PLB1: variants seen among roughly 807,000 people sequenced by gnomAD.
The protein encoded by PLB1 is phospholipase B1, membrane-associated.
Under a neutral mutation model 227.4 loss-of-function variants are expected in PLB1, and 242 were observed. The ratio of observed to expected loss-of-function variants is 1.06; its 90% CI spans 0.96 to 1.18. The LOEUF (loss-of-function observed/expected upper bound fraction) is 1.18. Ranked by LOEUF, PLB1 falls within the 50% of genes most tolerant of loss-of-function variation. The pLI, the probability that PLB1 is intolerant of heterozygous loss-of-function variation, is 0.00. For synonymous variants in PLB1, 757 were observed against 682.2 expected (o/e 1.11, Z -1.71); for missense variants, 1,858 against 1,816.3 (o/e 1.02, Z -0.42).
At chr2:28,581,342 T>G (rs937683518) in intron 23 of PLB1, among the ~76,000 whole-genome samples, 2 of 151,694 alleles carry the variant, frequency 1.3e-5, no homozygotes, top group African/African-American at 4.8e-5. Flanking sequence ...GAAAAAGAGA[T>G]CGGGCCATAG....
Position 28,573,245 on chromosome 2 carries a change from C to T in PLB1, c.1373C>T (p.Thr458Ile). 1 of 1,614,152 alleles carries T rather than the reference C, an allele frequency of 6.2e-7. No homozygotes were observed. Residue 458 changes from threonine to isoleucine, a missense_variant, in exon 21 of 58, where the codon ACT becomes ATT. Thr to Ile is a moderately conservative substitution (Grantham distance 89). Transcript: ENST00000327757. ...TCCCTGAAGGGCTTCTCTGTTGGCA[C>T]TGGGAAAGAAACCAGTCCTAATGCC... The part of the protein sequence containing the change: ...NPSLKGFSVG[T>I]GKETSPNAFL...
chr2:28,611,570 C>G (rs1458545462), intron 43 of PLB1, among the ~76,000 whole-genome samples: 3 of 152,198 alleles, frequency 2.0e-5, no homozygotes, highest in Non-Finnish European at 4.4e-5. Flanking sequence ...GTCTCCCCAC[C>G]TGAGCCAATT....
At chr2:28,543,291 G>T in intron 14 of PLB1, 23 bp downstream of exon 14, 1 of 1,606,414 alleles carries the variant, frequency 6.2e-7, no homozygotes, top group African/African-American at 1.3e-5. Flanking sequence ...GGCCTGGGGT[G>T]GGGCCCACAG....
Position 28,553,028 on chromosome 2 carries a change from C to T in PLB1, c.1147+37C>T, listed in dbSNP as rs775001099. ...GCACCCAGTGATTTTAAAATTCATTCGAGGCCTGAAATCATCCAAGTAAGG... is the reference window on the plus strand; with the variant it reads ...GCACCCAGTGATTTTAAAATTCATTTGAGGCCTGAAATCATCCAAGTAAGG... On this transcript the variant is annotated intron_variant, in intron 17 of 57. Transcript: ENST00000327757. The T allele has an allele frequency of 8.9e-6, 14 of 1,576,350 alleles. No homozygotes were observed. In the East Asian group the frequency reaches 1.1e-4, roughly 13 times the overall value.
intron 9 of PLB1, among the ~76,000 whole-genome samples, chr2:28,534,622 G>A (rs1316823285): frequency 3.9e-5 from 6 of 152,162 alleles, no homozygotes; most frequent in Admixed American, 6.5e-5. Context: ...TTAGGAGGCC[G>A]AGGCAGGTGG....
At chr2:28,521,839 T>G (rs1251999360) in intron 4 of PLB1, among the ~76,000 whole-genome samples, 2 of 151,992 alleles carry the variant, frequency 1.3e-5, no homozygotes, top group African/African-American at 4.8e-5. Flanking sequence ...AGCCCTACTG[T>G]ACCTCCCACG....
chr2:28,525,381 T>G, intron 5 of PLB1, 74 bp downstream of exon 5: 1 of 1,494,126 alleles, frequency 6.7e-7, no homozygotes, highest in East Asian at 2.4e-5. Flanking sequence ...GCCTTATTAA[T>G]GGGAAAGATT....
At chr2:28,580,433 G>T (rs1679731526) in intron 23 of PLB1, among the ~76,000 whole-genome samples, 1 of 152,230 alleles carries the variant, frequency 6.6e-6, no homozygotes, top group Non-Finnish European at 1.5e-5. Flanking sequence ...AAGCAAAGTT[G>T]GCTGGGTGTG....
intron 21 of PLB1, among the ~76,000 whole-genome samples, chr2:28,577,168 C>T (rs779650240): frequency 4.6e-5 from 7 of 152,192 alleles, no homozygotes; most frequent in African/African-American, 1.4e-4. Flanking sequence ...ATCAAGTAGT[C>T]GGCCAAGGTC....
intron 56 of PLB1, among the ~76,000 whole-genome samples, chr2:28,636,019 ATGTG>A (rs540787508): frequency 5.1e-5 from 5 of 98,284 alleles, no homozygotes; most frequent in Admixed American, 4.7e-4. Context: ...GTATGTATGA[ATGTG>A]TGTGTATGTG....
intron 4 of PLB1, among the ~76,000 whole-genome samples, chr2:28,523,904 G>C (rs931288157): frequency 2.0e-5 from 3 of 152,198 alleles, no homozygotes; most frequent in Admixed American, 1.3e-4. Flanking sequence ...GCCCCAGGAG[G>C]CCTGCTCCCC....
chr2:28,506,698 T>C (rs550076225), intron 1 of PLB1, among the ~76,000 whole-genome samples: 11 of 151,860 alleles, frequency 7.2e-5, no homozygotes, highest in African/African-American at 2.4e-4. Flanking sequence ...AGCAGGGGAG[T>C]GGCATGACGC....
intron 17 of PLB1, among the ~76,000 whole-genome samples, chr2:28,562,558 A>AG (rs1553427715): frequency 1.4e-5 from 2 of 147,658 alleles, no homozygotes; most frequent in Non-Finnish European, 3.0e-5. Context: ...AAAAAAAAAA[A>AG]AGTCAGTGGC....
intron 1 of PLB1, among the ~76,000 whole-genome samples, chr2:28,504,756 A>G (rs1667467224): frequency 6.6e-6 from 1 of 152,134 alleles, no homozygotes; most frequent in Admixed American, 6.5e-5. Context: ...AAACAAAACA[A>G]CAACAACAAC....
At chr2:28,538,664 G>A (rs1207548254) in intron 10 of PLB1, among the ~76,000 whole-genome samples, 3 of 152,198 alleles carry the variant, frequency 2.0e-5, no homozygotes, top group African/African-American at 7.2e-5. Context: ...AGACTGGGGC[G>A]AGGATAAGAT....
intron 17 of PLB1, among the ~76,000 whole-genome samples, chr2:28,562,661 T>C (rs1676251785): frequency 6.6e-6 from 1 of 151,942 alleles, no homozygotes; most frequent in Non-Finnish European, 1.5e-5. Context: ...CTAGAATAGA[T>C]TAAGTATTGG....
intron 1 of PLB1, among the ~76,000 whole-genome samples, chr2:28,500,926 G>A (rs577277145): frequency 1.3e-5 from 2 of 152,026 alleles, no homozygotes; most frequent in Non-Finnish European, 2.9e-5. Flanking sequence ...TAAACTTCAT[G>A]GTACAAGATT....
At chr2:28,523,424 G>A (rs1274226982) in intron 4 of PLB1, among the ~76,000 whole-genome samples, 1 of 139,088 alleles carries the variant, frequency 7.2e-6, no homozygotes, top group African/African-American at 2.7e-5. Flanking sequence ...CAAATTCCTT[G>A]AGGGTAGAGC....
At chr2:28,565,076 A>T (rs1676654093) in intron 18 of PLB1, among the ~76,000 whole-genome samples, 1 of 152,242 alleles carries the variant, frequency 6.6e-6, no homozygotes, top group Non-Finnish European at 1.5e-5. Context: ...AGCTGGGAGT[A>T]GCACCAGGCA....
Sources: allele counts gnomAD v4.1 joint callset (sites outside exome capture counted in the v4.1 genomes callset), GRCh38; gene constraint gnomAD v4.1.1; transcripts MANE v1.5; gene names NCBI Gene and HGNC (gene_info 2026-07-23, HGNC 2026-07-21).